NTM: variants seen among roughly 807,000 people sequenced by gnomAD.
NTM encodes IgLON family member 2.
NTM carries 13 observed loss-of-function variants against 42.1 expected under a neutral mutation model. The ratio of observed to expected loss-of-function variants is 0.31; its 90% CI spans 0.20 to 0.49. The LOEUF (loss-of-function observed/expected upper bound fraction) is 0.49, where lower values mean the gene tolerates loss of function less well. NTM is among the 20% of genes least tolerant of loss of function. NTM has a pLI of 0.99. For synonymous variants in NTM, 187 were observed against 179.2 expected (o/e 1.04, Z -0.35); for missense variants, 373 against 452.8 (o/e 0.82, Z 1.60).
chr11:131,930,723 A>G lies in NTM; in HGVS notation c.167+19075A>G, dbSNP rs563891975. Reference sequence around the variant, plus strand: ...CCTTTCCTTTAGACTTTTACCAAATATATAATTATTCTCAAACAACATATT... The same window carrying G: ...CCTTTCCTTTAGACTTTTACCAAATGTATAATTATTCTCAAACAACATATT... On this transcript the variant is annotated intron_variant, in intron 2 of 8. Transcript: ENST00000683400. Among the ~76,000 whole-genome samples the G allele has an allele frequency of 3.3e-5, 5 of 152,326 alleles. No individual in the cohort carries two copies. In the South Asian group the frequency reaches 1.0e-3, roughly 32 times the overall value.
At chr11:132,172,578 C>G (rs1164231997) in intron 3 of NTM, among the ~76,000 whole-genome samples, 2 of 152,132 alleles carry the variant, frequency 1.3e-5, no homozygotes, top group Non-Finnish European at 2.9e-5. Flanking sequence ...TAATTAAAAG[C>G]CAAAAAAGTT....
chr11:131,549,335 GGGTCACACCC>G (rs1453888895), intron 1 of NTM, among the ~76,000 whole-genome samples: 7 of 152,066 alleles, frequency 4.6e-5, no homozygotes, highest in African/African-American at 1.4e-4. Context: ...ATTATGTCTA[GGGTCACACCC>G]TATATAGAAG....
At chr11:131,972,909 T>C (rs2063764400) in intron 2 of NTM, among the ~76,000 whole-genome samples, 1 of 152,164 alleles carries the variant, frequency 6.6e-6, no homozygotes, top group Admixed American at 6.5e-5. Flanking sequence ...TTCAGCGATG[T>C]CTAAATCACT....
At chr11:131,890,140 CT>C (rs1356618079) in intron 1 of NTM, among the ~76,000 whole-genome samples, 1 of 76,552 alleles carries the variant, frequency 1.3e-5, no homozygotes, top group African/African-American at 6.5e-5. Flanking sequence ...CTCTCTCCCT[CT>C]CTCTCTCTCT....
chr11:131,734,615 G>A (rs990068596), intron 1 of NTM, among the ~76,000 whole-genome samples: 2 of 152,124 alleles, frequency 1.3e-5, no homozygotes, highest in Admixed American at 6.5e-5. Context: ...CCCTGTGCTC[G>A]TATCGCCCTA....
chr11:131,468,578 G>A (rs888036120), intron 1 of NTM, among the ~76,000 whole-genome samples: 20 of 151,850 alleles, frequency 1.3e-4, no homozygotes, highest in African/African-American at 4.4e-4. Context: ...TTTTTCTGAT[G>A]CTACAGTGAA....
At chr11:132,329,959 A>G (rs557587368) in intron 7 of NTM, 194 bp from the exon 8 acceptor site, 1 of 421,540 alleles carries the variant, frequency 2.4e-6, no homozygotes, top group African/African-American at 2.2e-5. Context: ...TGGCTGCCCA[A>G]GTAAACCAGA....
At chr11:131,630,612 C>A (rs1424755826) in intron 1 of NTM, among the ~76,000 whole-genome samples, 2 of 152,126 alleles carry the variant, frequency 1.3e-5, no homozygotes, top group Admixed American at 6.5e-5. Flanking sequence ...GATCTACAGT[C>A]AGAGGACAAG....
chr11:131,553,726 A>G (rs1418216155), intron 1 of NTM, among the ~76,000 whole-genome samples: 5 of 152,126 alleles, frequency 3.3e-5, no homozygotes, highest in Non-Finnish European at 7.3e-5. Context: ...CCGTCTATAT[A>G]ATTTTATTTG....
intron 2 of NTM, among the ~76,000 whole-genome samples, chr11:132,120,584 C>A (rs972358969): frequency 2.6e-5 from 4 of 152,086 alleles, no homozygotes; most frequent in East Asian, 1.9e-4. Context: ...TTTTGAAGAC[C>A]AAATCTGTAA....
chr11:132,252,941 C>G (rs1289233692), intron 4 of NTM, among the ~76,000 whole-genome samples: 1 of 152,198 alleles, frequency 6.6e-6, no homozygotes, highest in Non-Finnish European at 1.5e-5. Flanking sequence ...CTAACGAACC[C>G]AGTTTCCCCA....
intron 1 of NTM, among the ~76,000 whole-genome samples, chr11:131,896,702 T>TTTC (rs2052330941): frequency 7.3e-6 from 1 of 136,384 alleles, no homozygotes; most frequent in South Asian, 2.4e-4. Flanking sequence ...TTTTTTTTTT[T>TTTC]CTCTGAGACG....
In NTM at chr11:131,504,097, C is replaced by T. The variant is rs1175358860; in HGVS notation, c.82+133209C>T. Among the ~76,000 whole-genome samples the T allele has an allele frequency of 3.9e-5, 6 of 152,156 alleles. 1 individual carries two copies. Among genetic ancestry groups the T allele is most frequent in the Admixed American group, 3.3e-4 (5 of 15,290 alleles). On this transcript the variant is annotated intron_variant, in intron 1 of 8. Coordinates refer to ENST00000683400, the MANE Select transcript of NTM (RefSeq NM_001352005.2). ...GGACTGCTCATCCAGGGCTCCCTGG[C>T]CCCACCAGCTTCCTCCAGGCCCCTG... is the stretch of plus-strand genomic sequence containing the variant.
intron 2 of NTM, among the ~76,000 whole-genome samples, chr11:132,001,374 C>T (rs1456223331): frequency 6.6e-6 from 1 of 152,138 alleles, no homozygotes; most frequent in East Asian, 1.9e-4. Context: ...TGTGTGAGGC[C>T]ATTCTGGCAT....
At chr11:131,758,348 G>T (rs1407834319) in intron 1 of NTM, among the ~76,000 whole-genome samples, 1 of 151,856 alleles carries the variant, frequency 6.6e-6, no homozygotes, top group South Asian at 2.1e-4. Context: ...CTGGCAAATG[G>T]ATGTTATTTA....
At chr11:131,607,855 A>T (rs2061112191) in intron 1 of NTM, among the ~76,000 whole-genome samples, 1 of 151,258 alleles carries the variant, frequency 6.6e-6, no homozygotes, top group African/African-American at 2.4e-5. Context: ...CCTTGTACGC[A>T]CGGTTTGATC....
intron 1 of NTM, among the ~76,000 whole-genome samples, chr11:131,813,750 C>T (rs955264433): frequency 6.6e-6 from 1 of 152,176 alleles, no homozygotes; most frequent in Non-Finnish European, 1.5e-5. Context: ...GACTGCAACA[C>T]TACTTCTGTG....
chr11:132,284,269 T>C (rs973625931), intron 4 of NTM: 1 of 152,244 alleles, frequency 6.6e-6, no homozygotes, highest in Non-Finnish European at 1.5e-5. Flanking sequence ...CAGCAATGCA[T>C]TGTCTTACAA....
At chr11:132,134,728 T>TA in intron 2 of NTM, among the ~76,000 whole-genome samples, 1 of 71,520 alleles carries the variant, frequency 1.4e-5, no homozygotes, top group Non-Finnish European at 2.6e-5. Context: ...TATATATATA[T>TA]ATATATATAT....
Sources: allele counts gnomAD v4.1 joint callset (sites outside exome capture counted in the v4.1 genomes callset), GRCh38; gene constraint gnomAD v4.1.1; transcripts MANE v1.5; gene names NCBI Gene and HGNC (gene_info 2026-07-23, HGNC 2026-07-21).